TINAG: variants seen among roughly 807,000 people sequenced by gnomAD.
The protein encoded by TINAG is tubulointerstitial nephritis antigen.
In TINAG, 83 loss-of-function variants were observed where a neutral mutation model predicts 72.7. That is an observed-to-expected ratio of 1.14 (90% CI 0.96 to 1.37). The LOEUF (loss-of-function observed/expected upper bound fraction) is 1.37. Ranked by LOEUF, TINAG falls within the 40% of genes most tolerant of loss-of-function variation. The pLI is 0.00. For missense variants in TINAG, 685 were observed against 576.6 expected, an observed-to-expected ratio of 1.19 and a Z score of -1.93; for synonymous variants, 234 against 189.9, an observed-to-expected ratio of 1.23 and a Z score of -1.91.
chr6:54,348,121 TAA>T (rs1000630190), intron 6 of TINAG, among the ~76,000 whole-genome samples: 7 of 152,196 alleles, frequency 4.6e-5, no homozygotes, highest in African/African-American at 1.7e-4. Flanking sequence ...CTGCAGCTGA[TAA>T]AGAGTGTTAT....
At chr6:54,386,146 C>T (rs1457430169) in intron 10 of TINAG, among the ~76,000 whole-genome samples, 2 of 151,980 alleles carry the variant, frequency 1.3e-5, no homozygotes, top group African/African-American at 4.8e-5. Context: ...CCACCTTGGC[C>T]TCCCAAAGTG....
intron 9 of TINAG, among the ~76,000 whole-genome samples, chr6:54,368,186 C>A (rs1374252721): frequency 6.7e-6 from 1 of 148,694 alleles, no homozygotes; most frequent in African/African-American, 2.5e-5. Flanking sequence ...AACTTTTATT[C>A]TAGATTTTTA....
chr6:54,354,376 T>A, intron 8 of TINAG, 137 bp from the exon 9 acceptor site: 1 of 738,534 alleles, frequency 1.4e-6, no homozygotes, highest in Non-Finnish European at 2.1e-6. Context: ...GGAAAGAAAA[T>A]TAGGCTGAAT....
intron 9 of TINAG, among the ~76,000 whole-genome samples, chr6:54,378,943 G>A (rs1032722482): frequency 6.6e-6 from 1 of 152,102 alleles, no homozygotes; most frequent in Admixed American, 6.6e-5. Context: ...TGTGTCCCAA[G>A]AGCCCTACCA....
chr6:54,360,435 A>C (rs62412611), intron 9 of TINAG, among the ~76,000 whole-genome samples: 6,009 of 151,744 alleles, frequency 0.04, 177 homozygotes, highest in Non-Finnish European at 0.063. Context: ...GAGATGTTAA[A>C]ATGTCATAAA....
chr6:54,387,647 C>T (rs1361189991), intron 10 of TINAG, among the ~76,000 whole-genome samples: 1 of 152,104 alleles, frequency 6.6e-6, no homozygotes, highest in Admixed American at 6.6e-5. Context: ...ACTTCATAAA[C>T]ACATGTATAA....
Position 54,356,432 on chromosome 6 carries a change from G to A in TINAG, c.1250+1796G>A, listed in dbSNP as rs193193561. On this transcript the variant is annotated intron_variant, in intron 9 of 10. Transcript: ENST00000259782. ...GACACCTGTAATCCCAGCTACTCAG[G>A]AGGCTGAGGCACGAGAATCGCTTAA... Among the ~76,000 whole-genome samples the A allele has an allele frequency of 1.9e-3, 290 of 151,992 alleles. 1 individual carries two copies. Among genetic ancestry groups the A allele is most frequent in the African/African-American group, 6.7e-3 (280 of 41,506 alleles).
At chr6:54,327,255 T>C in intron 4 of TINAG, 2 of 1,396,918 alleles carry the variant, frequency 1.4e-6, no homozygotes, top group Non-Finnish European at 1.9e-6. Context: ...AGGTACACGG[T>C]TCATCTCATT....
At chr6:54,319,548 G>T (rs966130258) in intron 1 of TINAG, among the ~76,000 whole-genome samples, 1 of 151,944 alleles carries the variant, frequency 6.6e-6, no homozygotes, top group Non-Finnish European at 1.5e-5. Context: ...GTAGAATATT[G>T]GACTGTGAAA....
chr6:54,350,760 TA>T (rs1482667273), intron 7 of TINAG, among the ~76,000 whole-genome samples: 1 of 151,198 alleles, frequency 6.6e-6, no homozygotes. Context: ...TTTGCAAACG[TA>T]ACACTTTGCG....
chr6:54,361,445 G>GGA (rs1342106988), intron 9 of TINAG, among the ~76,000 whole-genome samples: 1 of 151,506 alleles, frequency 6.6e-6, no homozygotes, highest in East Asian at 2.0e-4. Context: ...CATGGCGATA[G>GGA]GAGAGAGAGA....
intron 9 of TINAG, among the ~76,000 whole-genome samples, chr6:54,368,367 A>T (rs1763500889): frequency 6.8e-6 from 1 of 148,032 alleles, no homozygotes; most frequent in African/African-American, 2.4e-5. Context: ...TTATTAAATC[A>T]TTATATTAAT....
chr6:54,351,867 G>C (rs1005891567), intron 8 of TINAG, among the ~76,000 whole-genome samples: 1 of 151,936 alleles, frequency 6.6e-6, no homozygotes, highest in Admixed American at 6.6e-5. Context: ...AATAAAGCGA[G>C]TAAACTAGTG....
rs1197524459 is a variant in TINAG, at chr6:54,326,900, G to T, written c.608G>T (p.Ser203Ile). ...GTLPPSPMLL[S>I]MNEMTASLPA... ...TTGCCACCTAGTCCCATGCTCCTGA[G>T]CATGAATGAAATGACAGTAAGTGTT... The change falls in exon 4 of 11, where the codon AGC (serine) becomes ATC (isoleucine). Residue 203 changes from serine (S) to isoleucine (I), a missense_variant. By Grantham distance (142) the Ser-to-Ile change is moderately radical (BLOSUM62 -2). Coordinates refer to ENST00000259782, the MANE Select transcript of TINAG (RefSeq NM_014464.4). 1 of 1,613,028 alleles carries T rather than the reference G, an allele frequency of 6.2e-7. No homozygotes were observed. The highest frequency in any genetic ancestry group is 8.5e-7 in the Non-Finnish European group (1 of 1,179,836).
intron 4 of TINAG, among the ~76,000 whole-genome samples, chr6:54,329,533 A>C (rs1034979058): frequency 2.0e-5 from 3 of 152,190 alleles, no homozygotes; most frequent in Admixed American, 6.5e-5. Flanking sequence ...TCAAAATTTA[A>C]AGACATTGAC....
At chr6:54,358,026 G>A (rs190026548) in intron 9 of TINAG, among the ~76,000 whole-genome samples, 44 of 151,844 alleles carry the variant, frequency 2.9e-4, no homozygotes, top group Middle Eastern at 3.4e-3. Flanking sequence ...TCTGTACCTT[G>A]ATTTCCTGCT....
intron 1 of TINAG, among the ~76,000 whole-genome samples, chr6:54,315,211 G>A (rs12208501): frequency 0.1 from 15,662 of 151,988 alleles, 894 homozygotes; most frequent in African/African-American, 0.13. Context: ...TATTGTGCCT[G>A]TTCTAAGAGC....
At chr6:54,331,933 C>A (rs2150945790) in intron 4 of TINAG, among the ~76,000 whole-genome samples, 1 of 152,268 alleles carries the variant, frequency 6.6e-6, no homozygotes, top group East Asian at 1.9e-4. Flanking sequence ...AGGAGAACTA[C>A]AAACCACTGC....
At chr6:54,332,826 C>G (rs1784772749) in intron 4 of TINAG, among the ~76,000 whole-genome samples, 1 of 152,152 alleles carries the variant, frequency 6.6e-6, no homozygotes, top group East Asian at 1.9e-4. Context: ...AGACACTTCT[C>G]AAAAGAAGAC....
Sources: allele counts gnomAD v4.1 joint callset (sites outside exome capture counted in the v4.1 genomes callset), GRCh38; gene constraint gnomAD v4.1.1; transcripts MANE v1.5; gene names NCBI Gene and HGNC (gene_info 2026-07-23, HGNC 2026-07-21).